The following RBKS variants were observed in gnomAD, a reference collection of about 807,000 sequenced individuals.
RBKS encodes the protein ribokinase.
A neutral mutation model predicts 33.9 loss-of-function variants in RBKS; 33 were observed. That is an observed-to-expected ratio of 0.97 (90% CI 0.74 to 1.30). RBKS has a LOEUF of 1.30. Ranked by LOEUF, RBKS falls within the 50% of genes most tolerant of loss-of-function variation. RBKS has a pLI of 0.00. For missense variants in RBKS, 361 were observed against 392.6 expected, an observed-to-expected ratio of 0.92 and a Z score of 0.68; for synonymous variants, 125 against 143.0, an observed-to-expected ratio of 0.87 and a Z score of 0.90.
intron 7 of RBKS, among the ~76,000 whole-genome samples, chr2:27,813,667 C>A (rs1046141013): frequency 2.7e-5 from 4 of 149,648 alleles, no homozygotes; most frequent in Non-Finnish European, 5.9e-5. Flanking sequence ...ATCTATATAT[C>A]TATATATATA....
intron 7 of RBKS, among the ~76,000 whole-genome samples, chr2:27,786,482 T>A (rs183341410): frequency 5.8e-4 from 88 of 152,280 alleles, no homozygotes; most frequent in Admixed American, 1.6e-3. Flanking sequence ...CAAGGTTTTT[T>A]AGAAAGTTTT....
chr2:27,831,777 A>C lies in RBKS; in HGVS notation c.606+909T>G, dbSNP rs560144686. On this transcript the variant is annotated intron_variant, in intron 6 of 7. Transcript: ENST00000302188. ...ATCCCGTCTCTACACAAAATAAAAA[A>C]ATTAGCCAAGCGTGGTGGTCCCAGC... Among the ~76,000 whole-genome samples, 47 of 152,272 alleles carry C rather than the reference A, an allele frequency of 3.1e-4. No homozygotes were observed. The Middle Eastern group carries it at 0.02, about 66-fold the overall frequency.
intron 7 of RBKS, among the ~76,000 whole-genome samples, chr2:27,786,007 T>C (rs780720851): frequency 1.3e-5 from 2 of 152,136 alleles, no homozygotes; most frequent in Non-Finnish European, 2.9e-5. Flanking sequence ...ATGAGAAAAG[T>C]CTAGCAACAG....
At chr2:27,877,530 T>C (rs1664336551) in intron 1 of RBKS, among the ~76,000 whole-genome samples, 1 of 152,154 alleles carries the variant, frequency 6.6e-6, no homozygotes, top group South Asian at 2.1e-4. Context: ...TATCTCTTAA[T>C]TATTTGATAC....
chr2:27,782,031 A>G (rs1677297978), intron 7 of RBKS, among the ~76,000 whole-genome samples: 1 of 152,128 alleles, frequency 6.6e-6, no homozygotes, highest in Non-Finnish European at 1.5e-5. Context: ...AGAGTTTACT[A>G]GTTTTGCTTA....
At chr2:27,828,243 TC>T (rs1466402778) in intron 6 of RBKS, among the ~76,000 whole-genome samples, 1 of 152,102 alleles carries the variant, frequency 6.6e-6, no homozygotes, top group Admixed American at 6.6e-5. Flanking sequence ...ATTCAGCTTT[TC>T]TGCACATATA....
At chr2:27,833,202 A>C (rs1405824796) in intron 5 of RBKS, among the ~76,000 whole-genome samples, 1 of 152,208 alleles carries the variant, frequency 6.6e-6, no homozygotes, top group Admixed American at 6.5e-5. Flanking sequence ...CCAGGGAAGA[A>C]AAAGAGACGA....
At chr2:27,800,977 G>A (rs1378100801) in intron 7 of RBKS, among the ~76,000 whole-genome samples, 4 of 152,172 alleles carry the variant, frequency 2.6e-5, no homozygotes, top group African/African-American at 4.8e-5. Flanking sequence ...GAGCTGGGGC[G>A]GGTAAGGCTG....
chr2:27,805,389 C>A (rs748134870), intron 7 of RBKS, among the ~76,000 whole-genome samples: 4 of 152,076 alleles, frequency 2.6e-5, no homozygotes, highest in Admixed American at 6.5e-5. Flanking sequence ...GGTCCAGACA[C>A]CCCTGCACAG....
intron 1 of RBKS, among the ~76,000 whole-genome samples, chr2:27,871,668 A>G (rs1664214918): frequency 1.3e-5 from 2 of 152,190 alleles, no homozygotes; most frequent in Non-Finnish European, 2.9e-5. Flanking sequence ...GGCTAAAATA[A>G]CTGTTGGATT....
At chr2:27,817,830 C>A (rs2148197449) in intron 7 of RBKS, among the ~76,000 whole-genome samples, 1 of 152,212 alleles carries the variant, frequency 6.6e-6, no homozygotes, top group Middle Eastern at 3.4e-3. Context: ...GGGAGAAGAG[C>A]CCCTTATAAA....
Position 27,795,842 on chromosome 2 carries a change from C to CTT in RBKS, c.796-14055_796-14054insAA, listed in dbSNP as rs1677656317. Among the ~76,000 whole-genome samples, 1 of 152,240 alleles carries CTT rather than the reference C, an allele frequency of 6.6e-6. No individual in the cohort carries two copies. Among genetic ancestry groups the CTT allele is most frequent in the Non-Finnish European group, 1.5e-5 (1 of 68,044 alleles). Reference sequence around the variant, plus strand: ...ATCCCTTTGTATTTCTCTTAGGACTCTGAGTTCATTGTGCTGAACGTTTTC... The same window carrying CTT: ...ATCCCTTTGTATTTCTCTTAGGACTCTTTGAGTTCATTGTGCTGAACGTTTTC... On this transcript the variant is annotated intron_variant, in intron 7 of 7. Transcript: ENST00000302188. The surrounding 1 kb of genome is among the most constrained non-coding windows in gnomAD (Gnocchi z 4.1).
intron 1 of RBKS, among the ~76,000 whole-genome samples, chr2:27,865,225 C>T (rs1174543750): frequency 6.6e-6 from 1 of 152,124 alleles, no homozygotes; most frequent in Non-Finnish European, 1.5e-5. Context: ...GAGGCTGAGG[C>T]AGGAGAATGG....
chr2:27,865,302 A>T (rs1664075121), intron 1 of RBKS, among the ~76,000 whole-genome samples: 1 of 152,204 alleles, frequency 6.6e-6, no homozygotes, highest in African/African-American at 2.4e-5. Context: ...CCTGGGCGAC[A>T]GAGCGAGACT....
chr2:27,841,270 G>C (rs114299319), intron 5 of RBKS, among the ~76,000 whole-genome samples: 1 of 152,096 alleles, frequency 6.6e-6, no homozygotes, highest in Non-Finnish European at 1.5e-5. Context: ...TCCTTCACAA[G>C]CAGGGTAGGT....
chr2:27,782,651 C>A, intron 7 of RBKS: 1 of 464,682 alleles, frequency 2.2e-6, no homozygotes, highest in Non-Finnish European at 4.5e-6. Flanking sequence ...ATATGATCAA[C>A]ATGACTTCTT....
chr2:27,842,533 C>T (rs187670633), intron 5 of RBKS, among the ~76,000 whole-genome samples: 18 of 152,288 alleles, frequency 1.2e-4, no homozygotes, highest in Non-Finnish European at 2.9e-5. Context: ...AACTGGGCTG[C>T]CCCAGTTACT....
chr2:27,861,055 C>T (rs1185449303), intron 1 of RBKS, among the ~76,000 whole-genome samples: 3 of 152,020 alleles, frequency 2.0e-5, no homozygotes, highest in Non-Finnish European at 2.9e-5. Flanking sequence ...GCAACCTCCA[C>T]CTCCTTGATT....
chr2:27,796,713 A>G (rs1486582729), intron 7 of RBKS, among the ~76,000 whole-genome samples: 1 of 152,092 alleles, frequency 6.6e-6, no homozygotes, highest in African/African-American at 2.4e-5. Context: ...GATGACACTC[A>G]TGAGCAGCTG....
Sources: allele counts gnomAD v4.1 joint callset (sites outside exome capture counted in the v4.1 genomes callset), GRCh38; gene constraint gnomAD v4.1.1; non-coding constraint Gnocchi (gnomAD v3.1); transcripts MANE v1.5; gene names NCBI Gene and HGNC (gene_info 2026-07-23, HGNC 2026-07-21).